NCOR2: variants seen among roughly 807,000 people sequenced by gnomAD.
The protein encoded by NCOR2 is CTG repeat protein 26.
A neutral mutation model predicts 262.9 loss-of-function variants in NCOR2; 81 were observed. The ratio of observed to expected loss-of-function variants is 0.31; its 90% CI spans 0.26 to 0.37. NCOR2 has a LOEUF of 0.37. NCOR2 is among the 10% of genes least tolerant of loss of function. The pLI, the probability that NCOR2 is intolerant of heterozygous loss-of-function variation, is 1.00. For synonymous variants in NCOR2, 1,659 were observed against 1,559.3 expected, an observed-to-expected ratio of 1.06 and a Z score of -1.51; for missense variants, 3,385 against 3,621.4, an observed-to-expected ratio of 0.93 and a Z score of 1.68.
intron 28 of NCOR2, among the ~76,000 whole-genome samples, chr12:124,349,813 G>C (rs950888901): frequency 1.3e-5 from 2 of 152,046 alleles, no homozygotes; most frequent in African/African-American, 2.4e-5. Context: ...CAGGCTTCCC[G>C]CCACCCCCAG....
rs12818382 is a variant in NCOR2 at position 124,533,007 on chromosome 12, G to C, written c.-118+2558C>G. On this transcript the variant is annotated intron_variant, in intron 1 of 46. Transcript: ENST00000404621. ...CTCCTCTTTCCCCCACCTCCAAATC[G>C]CACTTCTCCTTCCCCTCCTCCCTCC... is the stretch of plus-strand genomic sequence containing the variant. Among the ~76,000 whole-genome samples, 12 of 24,934 alleles carry C rather than the reference G, an allele frequency of 4.8e-4. 1 individual carries two copies. The highest frequency in any genetic ancestry group is 2.0e-3 in the South Asian group (1 of 496). The allele number at this position is 24,934 out of a possible 152,430, so 16.4% of individuals were successfully genotyped here. A position where few individuals can be genotyped will look rare whatever the true frequency, so the allele number is the denominator to read the frequency against.
At chr12:124,526,170 T>G (rs1566026053) in intron 1 of NCOR2, among the ~76,000 whole-genome samples, 1 of 152,122 alleles carries the variant, frequency 6.6e-6, no homozygotes. Context: ...CTTGGATTGC[T>G]CCAACCCCCA....
chr12:124,555,628 C>T (rs1430410877), intron 1 of NCOR2, among the ~76,000 whole-genome samples: 1 of 152,210 alleles, frequency 6.6e-6, no homozygotes, highest in Non-Finnish European at 1.5e-5. Context: ...CCACCATTCC[C>T]AGAGTTCACC....
intron 11 of NCOR2, 96 bp from the exon 14 acceptor site, chr12:124,422,651 C>G (rs1448981094): frequency 3.0e-6 from 4 of 1,334,614 alleles, no homozygotes; most frequent in African/African-American, 1.5e-5. Flanking sequence ...CCCCACTGGC[C>G]GGGCCTGGCG....
At chr12:124,343,584 G>A (rs1489659319) in intron 32 of NCOR2, among the ~76,000 whole-genome samples, 3 of 151,722 alleles carry the variant, frequency 2.0e-5, no homozygotes, top group African/African-American at 7.3e-5. Context: ...GCAAACAAAT[G>A]AGAATTACAG....
At chr12:124,429,810 G>A (rs2043812517) in intron 9 of NCOR2, 104 bp from the exon 12 acceptor site, 1 of 1,140,218 alleles carries the variant, frequency 8.8e-7, no homozygotes, top group Middle Eastern at 2.5e-4. Flanking sequence ...CAGAGGAGAA[G>A]TGTGGGCAGC....
At chr12:124,428,901 G>T (rs2043749373) in intron 10 of NCOR2, among the ~76,000 whole-genome samples, 1 of 152,214 alleles carries the variant, frequency 6.6e-6, no homozygotes, top group Admixed American at 6.5e-5. Flanking sequence ...GCAGGGGGTA[G>T]TCTCATCATG....
intron 8 of NCOR2, among the ~76,000 whole-genome samples, chr12:124,431,610 C>T (rs919398548): frequency 5.9e-5 from 9 of 151,490 alleles, no homozygotes; most frequent in Admixed American, 5.3e-4. Flanking sequence ...GGCACACATA[C>T]ATACAGTCAG....
chr12:124,347,169 G>A (rs185197792), intron 30 of NCOR2, among the ~76,000 whole-genome samples: 501 of 152,346 alleles, frequency 3.3e-3, no homozygotes, highest in Non-Finnish European at 5.7e-3. Flanking sequence ...AGGAGTTCGA[G>A]ACCAGCCTGG....
intron 22 of NCOR2, among the ~76,000 whole-genome samples, chr12:124,358,063 A>C (rs1212732793): frequency 3.1e-5 from 4 of 127,472 alleles, no homozygotes; most frequent in Non-Finnish European, 6.3e-5. Flanking sequence ...CCTGTACACA[A>C]TGTTGAAGGA....
In NCOR2 at chr12:124,358,288, TGTGCAC is replaced by T. The variant is rs543630199; in HGVS notation, c.3101-1512_3101-1507del. Among the ~76,000 whole-genome samples, 13 of 148,810 alleles carry T rather than the reference TGTGCAC, an allele frequency of 8.7e-5. No individual in the cohort carries two copies. The East Asian group carries it at 2.4e-3, about 27-fold the overall frequency. ...AAGGACGTAACCTGTGATGTGTGTATGTGCACGTGCACGTGTATGTGCGTGTGTGTG... is the reference window on the plus strand; with the variant it reads ...AAGGACGTAACCTGTGATGTGTGTATGTGCACGTGTATGTGCGTGTGTGTG... On this transcript the variant is annotated intron_variant, in intron 22 of 46. Coordinates refer to ENST00000405201, the Ensembl canonical transcript of NCOR2.
intron 1 of NCOR2, among the ~76,000 whole-genome samples, chr12:124,488,630 G>A (rs2047909132): frequency 6.6e-6 from 1 of 152,212 alleles, no homozygotes; most frequent in Non-Finnish European, 1.5e-5. Context: ...GGGGCTGGAG[G>A]GAGGGAGTGG....
At chr12:124,404,426 C>T (rs1035253594) in intron 13 of NCOR2, among the ~76,000 whole-genome samples, 6 of 152,214 alleles carry the variant, frequency 3.9e-5, no homozygotes, top group East Asian at 1.9e-4. Flanking sequence ...GCGTCCCTCC[C>T]GATGGGAGCA....
chr12:124,438,848 G>A, intron 7 of NCOR2, among the ~76,000 whole-genome samples: 1 of 152,338 alleles, frequency 6.6e-6, no homozygotes, highest in Non-Finnish European at 1.5e-5. Flanking sequence ...CCCAGAGACA[G>A]AGGGAGACAG....
At chr12:124,370,085 G>T (rs750767423) in intron 20 of NCOR2, among the ~76,000 whole-genome samples, 1 of 152,212 alleles carries the variant, frequency 6.6e-6, no homozygotes, top group Non-Finnish European at 1.5e-5. Flanking sequence ...GGAGCGGGGC[G>T]GGGAGCCGTC....
At chr12:124,533,327 T>C (rs995735215) in intron 1 of NCOR2, among the ~76,000 whole-genome samples, 2 of 152,076 alleles carry the variant, frequency 1.3e-5, no homozygotes, top group African/African-American at 2.4e-5. Flanking sequence ...CTCAGTGCTT[T>C]GGCAGGGCTG....
At chr12:124,479,558 C>CGCACACACACGCACGCGCGCGCGCAT (rs1565981882) in intron 3 of NCOR2, among the ~76,000 whole-genome samples, 3 of 152,022 alleles carry the variant, frequency 2.0e-5, no homozygotes, top group Non-Finnish European at 4.4e-5. Flanking sequence ...CACACAAACG[C>CGCACACACACGCACGCGCGCGCGCAT]GCACACACAC....
chr12:124,501,379 G>A (rs565257232), intron 1 of NCOR2, among the ~76,000 whole-genome samples: 68 of 151,556 alleles, frequency 4.5e-4, no homozygotes, highest in African/African-American at 1.3e-3. Flanking sequence ...TAGCGCCCTC[G>A]GCTGCCCCAC....
intron 7 of NCOR2, among the ~76,000 whole-genome samples, chr12:124,444,794 G>A (rs953295835): frequency 2.6e-5 from 4 of 152,146 alleles, no homozygotes; most frequent in African/African-American, 9.7e-5. Context: ...AGCTGTGACA[G>A]TGCCAAACAA....
Sources: gnomAD v4.1 joint callset for allele counts (sites outside exome capture counted in the v4.1 genomes callset) on GRCh38, gnomAD v4.1.1 for gene constraint, MANE v1.5 for transcripts, NCBI Gene and HGNC (gene_info 2026-07-23, HGNC 2026-07-21) for gene names.